Variants in SPON1 observed in about 807,000 individuals in gnomAD.
SPON1 encodes the protein spondin-1.
In SPON1, 52 loss-of-function variants were observed where a neutral mutation model predicts 111.7. That is an observed-to-expected ratio of 0.47 (90% CI 0.37 to 0.59). The LOEUF is 0.59. SPON1 is among the 20% of genes least tolerant of loss of function. SPON1 has a pLI of 0.00. For synonymous variants in SPON1, 410 were observed against 395.8 expected (o/e 1.04, Z -0.43); for missense variants, 957 against 1,068.5 (o/e 0.90, Z 1.46).
At position 14,084,754 on chromosome 11, in the gene SPON1, C is replaced by T. The variant is rs528644640; in HGVS notation, c.676+4733C>T. 2.0e-5 allele frequency among the ~76,000 whole-genome samples: 3 copies of T among 152,288 alleles called. No individual in the cohort carries two copies. In the South Asian group the frequency reaches 6.2e-4, roughly 32 times the overall value. On this transcript the variant is annotated intron_variant, in intron 5 of 15. Coordinates refer to ENST00000576479, the MANE Select transcript of SPON1 (RefSeq NM_006108.4). ...GTTCCACAATGGTTGAACTAATTTA[C>T]ACTCCCACCAACAGTGTGAAAGCAT...
At chr11:14,261,504 T>C (rs2133927937) in intron 14 of SPON1, among the ~76,000 whole-genome samples, 1 of 152,316 alleles carries the variant, frequency 6.6e-6, no homozygotes, top group Admixed American at 6.5e-5. Flanking sequence ...CAGGAAATAC[T>C]TCCTAGGTTG....
chr11:14,065,541 T>C (rs1026197982), intron 3 of SPON1, among the ~76,000 whole-genome samples: 8 of 152,228 alleles, frequency 5.3e-5, no homozygotes, highest in Non-Finnish European at 1.0e-4. Flanking sequence ...GGTTCTATTT[T>C]GGATCAGAGC....
intron 6 of SPON1, among the ~76,000 whole-genome samples, chr11:14,153,914 G>C (rs545585062): frequency 2.6e-5 from 4 of 152,228 alleles, no homozygotes; most frequent in Admixed American, 2.6e-4. Flanking sequence ...CGCTATGCAA[G>C]TTTGAAACCC....
At chr11:14,138,354 A>T (rs1294554218) in intron 6 of SPON1, among the ~76,000 whole-genome samples, 2 of 129,672 alleles carry the variant, frequency 1.5e-5, no homozygotes, top group South Asian at 2.5e-4. Flanking sequence ...GGAAGTATTA[A>T]TAATAATAAC....
At chr11:13,994,713 C>T (rs1377315371) in intron 2 of SPON1, among the ~76,000 whole-genome samples, 1 of 152,142 alleles carries the variant, frequency 6.6e-6, no homozygotes, top group African/African-American at 2.4e-5. Context: ...ATGAAACAAA[C>T]AACAATAACA....
At chr11:13,969,997 A>C (rs1235853734) in intron 1 of SPON1, among the ~76,000 whole-genome samples, 10 of 152,210 alleles carry the variant, frequency 6.6e-5, no homozygotes, top group African/African-American at 2.4e-4. Flanking sequence ...CATGCATTGA[A>C]TGGAGTAGCA....
intron 2 of SPON1, among the ~76,000 whole-genome samples, chr11:14,008,292 C>A (rs1848378956): frequency 6.6e-6 from 1 of 152,048 alleles, no homozygotes; most frequent in South Asian, 2.1e-4. Context: ...GATGCTGGAA[C>A]CAACCCCCGA....
At chr11:14,148,706 T>C (rs1166520834) in intron 6 of SPON1, among the ~76,000 whole-genome samples, 4 of 152,226 alleles carry the variant, frequency 2.6e-5, no homozygotes, top group Non-Finnish European at 5.9e-5. Context: ...TGGTACTTTT[T>C]TCTGTCTCTG....
intron 2 of SPON1, among the ~76,000 whole-genome samples, chr11:14,014,822 A>G (rs1848433045): frequency 6.6e-6 from 1 of 152,230 alleles, no homozygotes; most frequent in African/African-American, 2.4e-5. Flanking sequence ...TTAAAGTATT[A>G]ATTTAATTAT....
intron 6 of SPON1, among the ~76,000 whole-genome samples, chr11:14,212,713 C>T (rs1335328211): frequency 6.6e-6 from 1 of 152,174 alleles, no homozygotes; most frequent in Non-Finnish European, 1.5e-5. Flanking sequence ...GTTCTCTTTC[C>T]TAATGCTGTT....
At chr11:14,242,165 A>C (rs1433166547) in intron 6 of SPON1, among the ~76,000 whole-genome samples, 1 of 152,170 alleles carries the variant, frequency 6.6e-6, no homozygotes, top group African/African-American at 2.4e-5. Flanking sequence ...CCTCAGAGAC[A>C]CCACTGTCCT....
chr11:14,159,484 A>G (rs1057489259), intron 6 of SPON1, among the ~76,000 whole-genome samples: 2 of 152,114 alleles, frequency 1.3e-5, no homozygotes, highest in East Asian at 1.9e-4. Context: ...GAGGTTCCTT[A>G]AAAAACTGAA....
chr11:14,221,552 G>T (rs1848680993), intron 6 of SPON1, among the ~76,000 whole-genome samples: 1 of 151,648 alleles, frequency 6.6e-6, no homozygotes, highest in African/African-American at 2.4e-5. Context: ...TATAAAGCAA[G>T]ACAGCTGCCA....
intron 2 of SPON1, among the ~76,000 whole-genome samples, chr11:14,026,186 T>G (rs1848516795): frequency 6.6e-6 from 1 of 152,204 alleles, no homozygotes; most frequent in South Asian, 2.1e-4. Flanking sequence ...ACCCTCCACC[T>G]TCAGGTGCAC....
chr11:14,092,258 C>T (rs568949586), intron 5 of SPON1, among the ~76,000 whole-genome samples: 47 of 152,344 alleles, frequency 3.1e-4, no homozygotes, highest in Admixed American at 8.5e-4. Flanking sequence ...GATCCATGCT[C>T]AGTGCCAGAG....
At chr11:14,262,464 C>T (rs1300571130) in intron 14 of SPON1, 2 of 558,464 alleles carry the variant, frequency 3.6e-6, no homozygotes, top group Non-Finnish European at 6.4e-6. Flanking sequence ...TCCTCCAAAG[C>T]CTTCTTGAGT....
intron 6 of SPON1, among the ~76,000 whole-genome samples, chr11:14,175,253 C>T (rs117750811): frequency 3.1e-3 from 469 of 152,268 alleles, no homozygotes; most frequent in Admixed American, 7.1e-3. Flanking sequence ...TAACTGCTCA[C>T]AAAAAATTTT....
At chr11:14,125,405 A>C (rs1847447259) in intron 5 of SPON1, among the ~76,000 whole-genome samples, 1 of 152,200 alleles carries the variant, frequency 6.6e-6, no homozygotes, top group African/African-American at 2.4e-5. Context: ...TTCATCTACT[A>C]AGAAATAAAA....
chr11:14,228,173 G>A lies in SPON1; in HGVS notation c.826-15159G>A, dbSNP rs1052949613. 9.2e-5 allele frequency among the ~76,000 whole-genome samples: 14 copies of A among 152,162 alleles called. No individual in the cohort carries two copies. The highest frequency in any genetic ancestry group is 1.2e-4 in the Non-Finnish European group (8 of 68,028). On this transcript the variant is annotated intron_variant, in intron 6 of 15. Coordinates refer to ENST00000576479, the MANE Select transcript of SPON1 (RefSeq NM_006108.4). The surrounding 1 kb of genome is among the most constrained non-coding windows in gnomAD (Gnocchi z 4.2). ...TGACCCTCGTAGCCTGGGTCCTTCC[G>A]AGTTTGGTATGCATACACCAGGGCC... is the stretch of plus-strand genomic sequence containing the variant.
Sources: allele counts gnomAD v4.1 joint callset (sites outside exome capture counted in the v4.1 genomes callset), GRCh38; gene constraint gnomAD v4.1.1; non-coding constraint Gnocchi (gnomAD v3.1); transcripts MANE v1.5; gene names NCBI Gene and HGNC (gene_info 2026-07-23, HGNC 2026-07-21).